The following LRRC4C variants were observed in gnomAD, a reference collection of about 807,000 sequenced individuals.
LRRC4C encodes the protein leucine rich repeat containing 4C, also known as leucine-rich repeat-containing protein 4C.
Under a neutral mutation model 33.6 loss-of-function variants are expected in LRRC4C, and 5 were observed. The ratio of observed to expected loss-of-function variants is 0.15; its 90% CI spans 0.08 to 0.31. The LOEUF (loss-of-function observed/expected upper bound fraction) is 0.31, where lower values mean the gene tolerates loss of function less well. LRRC4C is among the 10% of genes least tolerant of loss of function. LRRC4C has a pLI of 1.00. For missense variants in LRRC4C, 560 were observed against 796.7 expected, an observed-to-expected ratio of 0.70 and a Z score of 3.58; for synonymous variants, 329 against 302.0, an observed-to-expected ratio of 1.09 and a Z score of -0.93.
chr11:40,405,112 C>T (rs949720001), intron 3 of LRRC4C, among the ~76,000 whole-genome samples: 1 of 151,774 alleles, frequency 6.6e-6, no homozygotes, highest in African/African-American at 2.4e-5. Flanking sequence ...CTGGTAACTA[C>T]TGTTGTATTC....
At chr11:40,700,118 G>A (rs750541852) in intron 2 of LRRC4C, among the ~76,000 whole-genome samples, 5 of 152,068 alleles carry the variant, frequency 3.3e-5, no homozygotes, top group South Asian at 2.1e-4. Context: ...ATGATTGAAC[G>A]TCTTAGATGA....
intron 1 of LRRC4C, among the ~76,000 whole-genome samples, chr11:41,239,268 G>A (rs1948151460): frequency 7.7e-6 from 1 of 129,550 alleles, no homozygotes; most frequent in Non-Finnish European, 1.6e-5. Flanking sequence ...CTTGCAGTGA[G>A]CCGAGATTGC....
At position 41,059,734 on chromosome 11, in the gene LRRC4C, TTG is replaced by T. The variant is rs573582787; in HGVS notation, c.-495-126013_-495-126012del. ...AGGTAGGCAGCAGTGGACTGAAAGT[TTG>T]TTAGAAATGCAGAATCTCTGGCTCA... On this transcript the variant is annotated intron_variant, in intron 1 of 6. Transcript: ENST00000528697. Among the ~76,000 whole-genome samples, 17 of 152,174 alleles carry T rather than the reference TTG, an allele frequency of 1.1e-4. No homozygotes were observed. In the East Asian group the frequency reaches 3.1e-3, roughly 28 times the overall value.
At chr11:40,850,744 CT>C (rs927260938) in intron 2 of LRRC4C, among the ~76,000 whole-genome samples, 3 of 152,228 alleles carry the variant, frequency 2.0e-5, no homozygotes, top group African/African-American at 7.2e-5. Flanking sequence ...CCCCTTCCCC[CT>C]GGTGCCCTGT....
intron 3 of LRRC4C, among the ~76,000 whole-genome samples, chr11:40,354,363 A>AAG (rs1396875459): frequency 6.6e-6 from 1 of 152,120 alleles, no homozygotes; most frequent in African/African-American, 2.4e-5. Context: ...ACTCATGTCC[A>AAG]AGAGCTCTTC....
At chr11:41,276,576 C>T (rs1037638872) in intron 1 of LRRC4C, among the ~76,000 whole-genome samples, 23 of 152,086 alleles carry the variant, frequency 1.5e-4, no homozygotes, top group African/African-American at 5.6e-4. Context: ...TCATTCTCTT[C>T]TTTGTTAGAT....
chr11:40,435,113 C>A (rs1337251599), intron 3 of LRRC4C, among the ~76,000 whole-genome samples: 1 of 152,150 alleles, frequency 6.6e-6, no homozygotes, highest in East Asian at 1.9e-4. Context: ...ATCTGGGACA[C>A]CACCACCATA....
rs188280635 is a variant in LRRC4C at position 41,129,603 on chromosome 11, G to T, written c.-495-195880C>A. 4.0e-5 allele frequency among the ~76,000 whole-genome samples: 6 copies of T among 151,602 alleles called. No individual in the cohort carries two copies. The East Asian group carries it at 1.2e-3, about 29-fold the overall frequency. On this transcript the variant is annotated intron_variant, in intron 1 of 6. Transcript: ENST00000528697. ...AATAGTAATTTTATCTGCCTCAATG[G>T]ATTATTTTTCCTAAGACCTCTGCCA...
chr11:40,604,178 G>C (rs1960319885), intron 3 of LRRC4C, among the ~76,000 whole-genome samples: 3 of 151,884 alleles, frequency 2.0e-5, no homozygotes, highest in Admixed American at 2.0e-4. Flanking sequence ...TTTACCAACA[G>C]GAATTTTTGA....
At chr11:41,100,060 C>T (rs780964235) in intron 1 of LRRC4C, among the ~76,000 whole-genome samples, 2 of 151,954 alleles carry the variant, frequency 1.3e-5, no homozygotes, top group Non-Finnish European at 2.9e-5. Context: ...CATAGCCAAG[C>T]CAAGAGCCAA....
At chr11:40,935,488 AC>A (rs1957832192) in intron 1 of LRRC4C, among the ~76,000 whole-genome samples, 2 of 152,020 alleles carry the variant, frequency 1.3e-5, no homozygotes, top group Non-Finnish European at 2.9e-5. Context: ...TTTTCACTGT[AC>A]CCTTTCTATG....
chr11:40,620,896 T>C (rs1385981190), intron 3 of LRRC4C, among the ~76,000 whole-genome samples: 3 of 151,772 alleles, frequency 2.0e-5, no homozygotes, highest in Non-Finnish European at 4.4e-5. Flanking sequence ...ATATTTATCC[T>C]CAATTCACAG....
chr11:41,091,013 G>GA (rs1565374273), intron 1 of LRRC4C, among the ~76,000 whole-genome samples: 1 of 152,036 alleles, frequency 6.6e-6, no homozygotes. Context: ...GCACAAGAAA[G>GA]AAAAAAGCAT....
intron 2 of LRRC4C, among the ~76,000 whole-genome samples, chr11:40,749,693 T>C (rs187360826): frequency 4.0e-4 from 59 of 147,866 alleles, no homozygotes; most frequent in Non-Finnish European, 7.0e-4. Context: ...AAGTTGGTTC[T>C]TCAAATAGGT....
chr11:40,495,929 A>G (rs1045563971), intron 3 of LRRC4C, among the ~76,000 whole-genome samples: 10 of 140,584 alleles, frequency 7.1e-5, no homozygotes, highest in African/African-American at 2.7e-4. Context: ...CCCGGGGTTC[A>G]AGCAATTCTC....
chr11:40,787,957 TTATTACCA>T (rs1396087195), intron 2 of LRRC4C, among the ~76,000 whole-genome samples: 2 of 152,212 alleles, frequency 1.3e-5, no homozygotes, highest in Non-Finnish European at 2.9e-5. Context: ...GTTGTTCTTG[TTATTACCA>T]TTTTGCATCT....
chr11:40,611,664 T>C (rs543003569), intron 3 of LRRC4C, among the ~76,000 whole-genome samples: 9 of 151,844 alleles, frequency 5.9e-5, no homozygotes, highest in African/African-American at 2.2e-4. Context: ...TACAATTCAA[T>C]AGCAAGAAAA....
At chr11:40,608,065 T>C (rs1386162052) in intron 3 of LRRC4C, among the ~76,000 whole-genome samples, 3 of 152,166 alleles carry the variant, frequency 2.0e-5, no homozygotes, top group Non-Finnish European at 4.4e-5. Context: ...TGAAACTATA[T>C]AGCTTTCTTA....
chr11:40,276,608 T>C (rs184935899), intron 4 of LRRC4C, among the ~76,000 whole-genome samples: 22 of 152,090 alleles, frequency 1.4e-4, no homozygotes, highest in Non-Finnish European at 2.9e-4. Context: ...GGCACATGTC[T>C]CTAGAAGGCC....
Sources: allele counts gnomAD v4.1 joint callset (sites outside exome capture counted in the v4.1 genomes callset), GRCh38; gene constraint gnomAD v4.1.1; transcripts MANE v1.5; gene names NCBI Gene and HGNC (gene_info 2026-07-23, HGNC 2026-07-21).